LYPD6B: variants seen among roughly 807,000 people sequenced by gnomAD.
LYPD6B encodes ly6/PLAUR domain-containing protein 6B.
A neutral mutation model predicts 22.8 loss-of-function variants in LYPD6B; 17 were observed. The ratio of observed to expected loss-of-function variants is 0.75; its 90% CI spans 0.51 to 1.12. The LOEUF is 1.12. Ranked by LOEUF, LYPD6B falls within the 50% of genes most tolerant of loss-of-function variation. The pLI, the probability that LYPD6B is intolerant of heterozygous loss-of-function variation, is 0.00. For missense variants in LYPD6B, 221 were observed against 258.3 expected, an observed-to-expected ratio of 0.86 and a Z score of 0.99; for synonymous variants, 106 against 91.6, an observed-to-expected ratio of 1.16 and a Z score of -0.90.
intron 4 of LYPD6B, among the ~76,000 whole-genome samples, chr2:149,207,021 C>T (rs1693547338): frequency 2.0e-5 from 3 of 152,054 alleles, no homozygotes; most frequent in Admixed American, 2.0e-4. Context: ...GGCTAATGAC[C>T]TTAGAATAGA....
intron 1 of LYPD6B, among the ~76,000 whole-genome samples, chr2:149,039,841 G>A (rs915584619): frequency 6.6e-6 from 1 of 152,298 alleles, no homozygotes; most frequent in South Asian, 2.1e-4. Flanking sequence ...GATGGAGGGG[G>A]TGTTGTCAGA....
At chr2:149,115,604 C>CTGCTGTGG (rs1686963718) in intron 1 of LYPD6B, among the ~76,000 whole-genome samples, 1 of 152,168 alleles carries the variant, frequency 6.6e-6, no homozygotes, top group Non-Finnish European at 1.5e-5. Context: ...CTCTCTTCCT[C>CTGCTGTGG]TGCTGTGGTG....
At chr2:149,181,008 T>C (rs987220608) in intron 3 of LYPD6B, among the ~76,000 whole-genome samples, 23 of 152,204 alleles carry the variant, frequency 1.5e-4, no homozygotes, top group African/African-American at 5.3e-4. Context: ...TGTGTTAAGC[T>C]ATGGAAGCCT....
chr2:149,041,005 C>T (rs1413925376), intron 1 of LYPD6B, among the ~76,000 whole-genome samples: 1 of 151,082 alleles, frequency 6.6e-6, no homozygotes, highest in East Asian at 2.0e-4. Context: ...ACTCATCTGT[C>T]TGGGGACGTA....
chr2:149,147,844 G>A (rs1251559000), intron 2 of LYPD6B, among the ~76,000 whole-genome samples: 1 of 151,438 alleles, frequency 6.6e-6, no homozygotes, highest in East Asian at 1.9e-4. Context: ...ACTATAAGAA[G>A]CTTCAAGATT....
At chr2:149,070,229 G>A (rs990730604) in intron 1 of LYPD6B, among the ~76,000 whole-genome samples, 1 of 151,978 alleles carries the variant, frequency 6.6e-6, no homozygotes, top group African/African-American at 2.4e-5. Flanking sequence ...CAGGACGTTG[G>A]CATTTCAATT....
chr2:149,106,608 A>G (rs1479691542), intron 1 of LYPD6B, among the ~76,000 whole-genome samples: 2 of 152,150 alleles, frequency 1.3e-5, no homozygotes, highest in African/African-American at 4.8e-5. Flanking sequence ...TATCTGTAGA[A>G]TATGTTATGT....
At chr2:149,098,618 ACT>A (rs1322074481) in intron 1 of LYPD6B, among the ~76,000 whole-genome samples, 1 of 144,958 alleles carries the variant, frequency 6.9e-6, no homozygotes, top group Non-Finnish European at 1.5e-5. Flanking sequence ...CAAGAGTGAA[ACT>A]CTGTCTCAAA....
chr2:149,105,190 C>G (rs1245713987), intron 1 of LYPD6B, among the ~76,000 whole-genome samples: 1 of 152,074 alleles, frequency 6.6e-6, no homozygotes, highest in Non-Finnish European at 1.5e-5. Context: ...TATTTCTTGA[C>G]CCTATTCTGT....
At chr2:149,087,207 AAC>A (rs1208039861) in intron 1 of LYPD6B, among the ~76,000 whole-genome samples, 6 of 152,166 alleles carry the variant, frequency 3.9e-5, no homozygotes, top group Admixed American at 3.9e-4. Context: ...AAGTTTCCTA[AAC>A]AGTGCTCTGG....
At chr2:149,209,101 G>A (rs1264120276) in intron 5 of LYPD6B, among the ~76,000 whole-genome samples, 4 of 152,322 alleles carry the variant, frequency 2.6e-5, no homozygotes, top group African/African-American at 9.6e-5. Context: ...GATGGAGGAA[G>A]GATCCGAGAG....
chr2:149,063,398 C>G (rs1031796098), intron 1 of LYPD6B, among the ~76,000 whole-genome samples: 13 of 152,098 alleles, frequency 8.5e-5, no homozygotes, highest in Non-Finnish European at 5.9e-5. Context: ...ACAATTACAT[C>G]GTCAAAGTCT....
chr2:149,207,967 C>T (rs912057860), intron 4 of LYPD6B, among the ~76,000 whole-genome samples: 11 of 152,054 alleles, frequency 7.2e-5, no homozygotes, highest in East Asian at 3.8e-4. Flanking sequence ...AGGGATGACA[C>T]GTGTGTTCCA....
chr2:149,186,109 C>T (rs566967631), intron 3 of LYPD6B, among the ~76,000 whole-genome samples: 2 of 152,164 alleles, frequency 1.3e-5, no homozygotes, highest in South Asian at 2.1e-4. Flanking sequence ...CACTTTAAAT[C>T]GAAAGCTAGA....
intron 2 of LYPD6B, among the ~76,000 whole-genome samples, chr2:149,146,491 G>T (rs1689033910): frequency 6.6e-6 from 1 of 152,210 alleles, no homozygotes; most frequent in African/African-American, 2.4e-5. Flanking sequence ...AGGATGGGAG[G>T]TAGGCAGCAG....
chr2:149,172,963 A>C (rs538193466), intron 3 of LYPD6B, among the ~76,000 whole-genome samples: 1 of 147,856 alleles, frequency 6.8e-6, no homozygotes, highest in Non-Finnish European at 1.5e-5. Flanking sequence ...ATCATAAGCC[A>C]ATACCTTTTA....
chr2:149,203,848 C>T (rs1693328312), intron 3 of LYPD6B, among the ~76,000 whole-genome samples: 1 of 152,148 alleles, frequency 6.6e-6, no homozygotes, highest in Non-Finnish European at 1.5e-5. Flanking sequence ...AATTTAGTTC[C>T]ATCCCCATGG....
chr2:149,140,762 A>G (rs1412435926), intron 2 of LYPD6B, among the ~76,000 whole-genome samples: 1 of 152,238 alleles, frequency 6.6e-6, no homozygotes. Context: ...AAAATCCAGC[A>G]TCGTGGCATA....
intron 1 of LYPD6B, among the ~76,000 whole-genome samples, chr2:149,082,548 T>A (rs1685184256): frequency 1.3e-5 from 2 of 152,212 alleles, no homozygotes; most frequent in African/African-American, 2.4e-5. Context: ...GCATTCTGAA[T>A]GTAAATTTTA....
Sources: gnomAD v4.1 joint callset for allele counts (sites outside exome capture counted in the v4.1 genomes callset) on GRCh38, gnomAD v4.1.1 for gene constraint, MANE v1.5 for transcripts, NCBI Gene and HGNC (gene_info 2026-07-23, HGNC 2026-07-21) for gene names.